The following ITGA2 variants were observed in gnomAD, a reference collection of about 807,000 sequenced individuals.
The protein encoded by ITGA2 is integrin subunit alpha 2, also known as integrin alpha-2.
A neutral mutation model predicts 146.3 loss-of-function variants in ITGA2; 101 were observed. The ratio of observed to expected loss-of-function variants is 0.69; its 90% CI spans 0.59 to 0.81. The LOEUF (loss-of-function observed/expected upper bound fraction) is 0.81. Among genes scored for constraint, ITGA2 ranks in the 40% least tolerant of loss-of-function variants. The pLI, the probability that ITGA2 is intolerant of heterozygous loss-of-function variation, is 0.00. For synonymous variants in ITGA2, 477 were observed against 487.1 expected (o/e 0.98, Z 0.27); for missense variants, 1,281 against 1,402.7 (o/e 0.91, Z 1.39).
chr5:53,055,807 C>G, intron 8 of ITGA2, 119 bp downstream of exon 8: 1 of 1,306,036 alleles, frequency 7.7e-7, no homozygotes, highest in Admixed American at 1.7e-5. Context: ...AAAGAAAGTT[C>G]TTACTCTATC....
chr5:53,027,578 G>A (rs187527833), intron 2 of ITGA2, among the ~76,000 whole-genome samples: 1 of 152,344 alleles, frequency 6.6e-6, no homozygotes, highest in Admixed American at 6.5e-5. Flanking sequence ...TAATTTGAAA[G>A]TTGTATTTGG....
rs1163572057 is a variant in ITGA2, at chr5:53,062,866, A to G, written c.1539A>G (p.Ala513=). ...DTITDVLLVG[A]PMYMSDLKKE... is the part of the protein sequence containing the mutation. ...TTACAGACGTGCTCTTGGTAGGTGC[A>G]CCAATGTACATGAGTGACCTAAAGA... is the stretch of plus-strand genomic sequence containing the variant. Residue 513 remains alanine (A), a synonymous_variant, in exon 13 of 30, where the codon GCA becomes GCG. Coordinates refer to ENST00000296585, the MANE Select transcript of ITGA2 (RefSeq NM_002203.4). 1.2e-6 allele frequency: 2 copies of G among 1,611,758 alleles called. No individual in the cohort carries two copies. The highest frequency in any genetic ancestry group is 3.3e-5 in the Admixed American group (2 of 59,826).
chr5:53,034,529 C>T (rs545021391), intron 2 of ITGA2, among the ~76,000 whole-genome samples: 3 of 152,246 alleles, frequency 2.0e-5, no homozygotes, highest in African/African-American at 7.2e-5. Flanking sequence ...ACATACACAC[C>T]CATTGTTTGT....
chr5:53,030,489 T>G (rs1743173013), intron 2 of ITGA2, among the ~76,000 whole-genome samples: 1 of 152,108 alleles, frequency 6.6e-6, no homozygotes, highest in African/African-American at 2.4e-5. Context: ...TACCCCACCA[T>G]GCAAGAGGAA....
intron 9 of ITGA2, among the ~76,000 whole-genome samples, chr5:53,057,451 G>A (rs1257012520): frequency 6.6e-6 from 1 of 151,854 alleles, no homozygotes; most frequent in Non-Finnish European, 1.5e-5. Context: ...AGTGACACAG[G>A]CAAGCACATA....
Position 53,073,171 on chromosome 5 carries a change from C to A in ITGA2, c.2483C>A (p.Thr828Lys), listed in dbSNP as rs79932422. 1 of 1,611,790 alleles carries A rather than the reference C, an allele frequency of 6.2e-7. No individual in the cohort carries two copies. Among genetic ancestry groups the A allele is most frequent in the South Asian group, 1.1e-5 (1 of 91,046 alleles). ...NQNKRLTFSV[T>K]LKNKRESAYN... Reference sequence around the variant, plus strand: ...AACAAAAGGTTAACATTTTCAGTAACGCTGAAAAATAAAAGGGAAAGTGCA... The same window carrying A: ...AACAAAAGGTTAACATTTTCAGTAAAGCTGAAAAATAAAAGGGAAAGTGCA... The change falls in exon 20 of 30, where the codon ACG becomes AAG. Residue 828 changes from threonine (T) to lysine (K), a missense_variant. Around this residue, in one of 3 missense-constraint regions of ITGA2, gnomAD observed 475 missense variants for 530.5 expected, o/e 0.90. Coordinates refer to ENST00000296585, the MANE Select transcript of ITGA2 (RefSeq NM_002203.4).
intron 7 of ITGA2, 28 bp downstream of exon 7, chr5:53,051,587 T>G: frequency 6.2e-7 from 1 of 1,602,950 alleles, no homozygotes; most frequent in Non-Finnish European, 8.5e-7. Flanking sequence ...TAGGCCAATG[T>G]TTTCATAATG....
chr5:53,007,484 A>G (rs1741913419), intron 1 of ITGA2, among the ~76,000 whole-genome samples: 2 of 151,946 alleles, frequency 1.3e-5, no homozygotes, highest in African/African-American at 2.4e-5. Flanking sequence ...AAAATATGCT[A>G]TTTTGAGAGA....
chr5:53,049,776 C>T lies in ITGA2; in HGVS notation c.630+1006C>T, dbSNP rs887007990. On this transcript the variant is annotated intron_variant, in intron 6 of 29. Transcript: ENST00000296585. ...GCAGTATACTGAACCAGTGTCAACC[C>T]GGACCAGTTCACTGTTACCAGTGTA... Among the ~76,000 whole-genome samples the T allele has an allele frequency of 7.2e-5, 11 of 152,034 alleles. No individual in the cohort carries two copies. The East Asian group carries it at 1.5e-3, about 21-fold the overall frequency.
At chr5:53,051,619 T>C (rs150381131) in intron 7 of ITGA2, 60 bp downstream of exon 7, 1 of 1,515,670 alleles carries the variant, frequency 6.6e-7, no homozygotes, top group East Asian at 2.4e-5. Context: ...ATTTATGTAA[T>C]AAATATGAAA....
intron 2 of ITGA2, among the ~76,000 whole-genome samples, chr5:53,040,809 A>C (rs2111879667): frequency 6.6e-6 from 1 of 152,230 alleles, no homozygotes; most frequent in South Asian, 2.1e-4. Context: ...TGTTCATGCT[A>C]TTCTGTCTGC....
At chr5:53,024,070 A>G (rs1230456696) in intron 1 of ITGA2, among the ~76,000 whole-genome samples, 1 of 152,238 alleles carries the variant, frequency 6.6e-6, no homozygotes, top group Non-Finnish European at 1.5e-5. Flanking sequence ...AATTCTGGAC[A>G]ATAAAGTTGA....
At chr5:53,020,692 T>A (rs940730504) in intron 1 of ITGA2, among the ~76,000 whole-genome samples, 7 of 151,230 alleles carry the variant, frequency 4.6e-5, no homozygotes, top group African/African-American at 7.3e-5. Context: ...TATTATTTTT[T>A]TTTTGGTGAG....
intron 13 of ITGA2, among the ~76,000 whole-genome samples, 166 bp downstream of exon 13, chr5:53,063,095 A>G (rs1744974451): frequency 6.6e-6 from 1 of 151,914 alleles, no homozygotes; most frequent in African/African-American, 2.4e-5. Flanking sequence ...GATTTTAAAA[A>G]TCACATTAAC....
chr5:53,089,814 G>A (rs1035218031), intron 28 of ITGA2, 132 bp from the exon 29 acceptor site: 11 of 728,726 alleles, frequency 1.5e-5, no homozygotes, highest in Non-Finnish European at 2.0e-5. Context: ...TTTGAGATAC[G>A]CCATCATGAG....
chr5:53,049,760 T>C (rs1371026695), intron 6 of ITGA2, among the ~76,000 whole-genome samples: 1 of 152,172 alleles, frequency 6.6e-6, no homozygotes, highest in East Asian at 1.9e-4. Context: ...AGCAGTATAC[T>C]GAACCAGTGT....
At chr5:53,081,814 TTA>T (rs1745936721) in intron 26 of ITGA2, 118 bp downstream of exon 26, 2 of 696,064 alleles carry the variant, frequency 2.9e-6, no homozygotes, top group Middle Eastern at 2.4e-4. Context: ...CCTTTGATGC[TTA>T]TATGAGTCAA....
chr5:53,083,505 C>A, intron 27 of ITGA2, 52 bp downstream of exon 27: 2 of 1,103,708 alleles, frequency 1.8e-6, no homozygotes, highest in South Asian at 1.2e-5. Context: ...AAACATAAGT[C>A]TGCACTGACA....
intron 1 of ITGA2, among the ~76,000 whole-genome samples, chr5:52,999,481 G>C (rs1474082969): frequency 6.6e-6 from 1 of 151,832 alleles, no homozygotes; most frequent in Non-Finnish European, 1.5e-5. Flanking sequence ...GAAACTTCTG[G>C]GTAAGAGACA....
Sources: gnomAD v4.1 joint callset for allele counts (sites outside exome capture counted in the v4.1 genomes callset) on GRCh38, gnomAD v4.1.1 for gene constraint, gnomAD v4.1.1 regional missense constraint, MANE v1.5 for transcripts, NCBI Gene and HGNC (gene_info 2026-07-23, HGNC 2026-07-21) for gene names.